The following DSCAM variants were observed in gnomAD, a reference collection of about 807,000 sequenced individuals.
DSCAM encodes the protein cell adhesion molecule DSCAM.
A neutral mutation model predicts 217.7 loss-of-function variants in DSCAM; 47 were observed. That is an observed-to-expected ratio of 0.22 (90% CI 0.17 to 0.28). The LOEUF (loss-of-function observed/expected upper bound fraction) is 0.28, where lower values mean the gene tolerates loss of function less well. Among genes scored for constraint, DSCAM ranks in the 10% least tolerant of loss-of-function variants. The pLI is 1.00. For synonymous variants in DSCAM, 1,056 were observed against 1,015.3 expected (o/e 1.04, Z -0.76); for missense variants, 2,080 against 2,618.3 (o/e 0.79, Z 4.49).
rs552697983 is a variant in DSCAM, at chr21:40,524,634, A to T, written c.509-155389T>A. 1.6e-4 allele frequency among the ~76,000 whole-genome samples: 25 copies of T among 152,296 alleles called. No homozygotes were observed. The East Asian group carries it at 4.4e-3, about 27-fold the overall frequency. Reference sequence around the variant, plus strand: ...CTTTTTTTGCTTGAGTTTTCTGGTCAAGAATGACTTTATAATAGACTCAGG... The same window carrying T: ...CTTTTTTTGCTTGAGTTTTCTGGTCTAGAATGACTTTATAATAGACTCAGG... On this transcript the variant is annotated intron_variant, in intron 3 of 32. Transcript: ENST00000400454.
intron 4 of DSCAM, among the ~76,000 whole-genome samples, chr21:40,364,888 C>A (rs907872763): frequency 1.3e-5 from 2 of 149,012 alleles, no homozygotes; most frequent in African/African-American, 4.9e-5. Context: ...TGTATAAATG[C>A]CTTACATTTT....
intron 20 of DSCAM, among the ~76,000 whole-genome samples, chr21:40,110,349 G>A (rs1255110239): frequency 6.6e-6 from 1 of 152,204 alleles, no homozygotes; most frequent in African/African-American, 2.4e-5. Flanking sequence ...ACCTTCACCT[G>A]AGGGTCCTGA....
At chr21:40,761,647 T>C (rs1601226828) in intron 1 of DSCAM, among the ~76,000 whole-genome samples, 1 of 152,226 alleles carries the variant, frequency 6.6e-6, no homozygotes, top group East Asian at 1.9e-4. Flanking sequence ...CAGTTTGTGA[T>C]GCTTTCTTAA....
intron 3 of DSCAM, among the ~76,000 whole-genome samples, chr21:40,500,791 G>A (rs2076164841): frequency 6.6e-6 from 1 of 152,148 alleles, no homozygotes; most frequent in African/African-American, 2.4e-5. Flanking sequence ...ACTCTCTAAC[G>A]ATACTGCTCT....
intron 3 of DSCAM, among the ~76,000 whole-genome samples, chr21:40,632,638 C>G (rs749822805): frequency 6.6e-6 from 1 of 152,222 alleles, no homozygotes; most frequent in African/African-American, 2.4e-5. Flanking sequence ...ATTGGAATAA[C>G]AAGATCACAC....
At chr21:40,672,159 ACTTC>A (rs1367974466) in intron 3 of DSCAM, among the ~76,000 whole-genome samples, 2 of 152,002 alleles carry the variant, frequency 1.3e-5, no homozygotes, top group Admixed American at 6.6e-5. Flanking sequence ...AATCTTAATT[ACTTC>A]CTTAAGTGCC....
At chr21:40,696,571 G>A (rs1447308584) in intron 2 of DSCAM, among the ~76,000 whole-genome samples, 1 of 152,200 alleles carries the variant, frequency 6.6e-6, no homozygotes, top group African/African-American at 2.4e-5. Context: ...CAGTGCCCAA[G>A]CAATCCTCTG....
In DSCAM at chr21:40,846,832, C is replaced by T. The variant is rs1351002941; in HGVS notation, c.-171G>A. The T allele has an allele frequency of 3.2e-5, 5 of 154,736 alleles. No individual in the cohort carries two copies. The allele number at this position is 154,736 out of a possible 1,614,324, so 9.6% of individuals were successfully genotyped here. On this transcript the variant is annotated 5_prime_UTR_variant, in exon 1 of 33. Coordinates refer to ENST00000400454, the MANE Select transcript of DSCAM (RefSeq NM_001389.5). ...CGCCCGGGCACGCGGCGCGGCCGGG[C>T]TCCGGAGCGAGGGCTGCGCTCGCCG...
intron 3 of DSCAM, among the ~76,000 whole-genome samples, chr21:40,520,279 T>G (rs1445749604): frequency 3.3e-5 from 5 of 152,092 alleles, no homozygotes; most frequent in Admixed American, 3.3e-4. Flanking sequence ...ATACCTTACT[T>G]TAAATACCAT....
At chr21:40,249,127 C>T (rs2146957122) in intron 11 of DSCAM, among the ~76,000 whole-genome samples, 1 of 152,274 alleles carries the variant, frequency 6.6e-6, no homozygotes. Context: ...CCAAATCATA[C>T]CAATGAACAT....
At chr21:40,393,691 C>CT (rs1352064344) in intron 3 of DSCAM, among the ~76,000 whole-genome samples, 2 of 152,178 alleles carry the variant, frequency 1.3e-5, no homozygotes, top group African/African-American at 2.4e-5. Flanking sequence ...TCCGTCTATG[C>CT]TTTTTTCTAC....
chr21:40,555,659 A>G (rs1375725389), intron 3 of DSCAM, among the ~76,000 whole-genome samples: 1 of 152,190 alleles, frequency 6.6e-6, no homozygotes, highest in Non-Finnish European at 1.5e-5. Context: ...AAGACACAGC[A>G]TCTGATTCTG....
intron 19 of DSCAM, among the ~76,000 whole-genome samples, chr21:40,128,093 C>G (rs780941270): frequency 6.6e-5 from 10 of 151,472 alleles, no homozygotes; most frequent in African/African-American, 2.2e-4. Flanking sequence ...TGTTGAGACT[C>G]TTCTTCATCA....
At chr21:40,831,018 G>C (rs567326051) in intron 1 of DSCAM, among the ~76,000 whole-genome samples, 1 of 152,350 alleles carries the variant, frequency 6.6e-6, no homozygotes, top group Admixed American at 6.5e-5. Flanking sequence ...AGTGGACCCA[G>C]ATGGTGACTT....
intron 15 of DSCAM, among the ~76,000 whole-genome samples, chr21:40,168,332 C>G (rs72495586): frequency 0.19 from 28,427 of 152,050 alleles, 2,812 homozygotes; most frequent in East Asian, 0.22. Flanking sequence ...AATGTGCTAC[C>G]TACTAGGTAC....
At chr21:40,466,543 T>C (rs1357130764) in intron 3 of DSCAM, among the ~76,000 whole-genome samples, 3 of 152,212 alleles carry the variant, frequency 2.0e-5, no homozygotes, top group African/African-American at 7.2e-5. Flanking sequence ...TTTTTAAAAA[T>C]AGTTTTTAAT....
intron 1 of DSCAM, among the ~76,000 whole-genome samples, chr21:40,814,301 A>T (rs764459832): frequency 2.0e-4 from 30 of 152,336 alleles, no homozygotes; most frequent in Middle Eastern, 3.4e-3. Flanking sequence ...TAACTCTTTT[A>T]GTGACATTTT....
intron 3 of DSCAM, among the ~76,000 whole-genome samples, chr21:40,456,637 T>C (rs1399474539): frequency 2.6e-5 from 4 of 152,008 alleles, no homozygotes; most frequent in Non-Finnish European, 5.9e-5. Flanking sequence ...CTGAAAATTA[T>C]TGTGAAGTGC....
At chr21:40,435,344 C>A (rs1174853031) in intron 3 of DSCAM, among the ~76,000 whole-genome samples, 1 of 152,168 alleles carries the variant, frequency 6.6e-6, no homozygotes, top group Non-Finnish European at 1.5e-5. Context: ...TGGTATTATG[C>A]AGCAAACAAA....
Sources: gnomAD v4.1 joint callset for allele counts (sites outside exome capture counted in the v4.1 genomes callset) on GRCh38, gnomAD v4.1.1 for gene constraint, MANE v1.5 for transcripts, NCBI Gene and HGNC (gene_info 2026-07-23, HGNC 2026-07-21) for gene names.